Variants in LRRCC1 observed in about 807,000 individuals in gnomAD.
LRRCC1 encodes the protein leucine-rich repeat and coiled-coil domain-containing protein 1.
A neutral mutation model predicts 126.0 loss-of-function variants in LRRCC1; 115 were observed. The ratio of observed to expected loss-of-function variants is 0.91; its 90% CI spans 0.78 to 1.07. LRRCC1 has a LOEUF of 1.07. LRRCC1 is among the 50% of genes least tolerant of loss of function. The probability of loss-of-function intolerance (pLI) is 0.00; values close to 1 mark genes in which losing one functional copy is unlikely to be tolerated. For synonymous variants in LRRCC1, 400 were observed against 393.4 expected (o/e 1.02, Z -0.20); for missense variants, 1,172 against 1,175.7 (o/e 1.00, Z 0.05).
intron 17 of LRRCC1, among the ~76,000 whole-genome samples, chr8:85,138,906 C>T (rs968612166): frequency 2.0e-5 from 3 of 151,912 alleles, no homozygotes; most frequent in African/African-American, 4.8e-5. Flanking sequence ...ATTAGCCAGG[C>T]GTGGTGGCAA....
At position 85,134,936 on chromosome 8, in the gene LRRCC1, C is replaced by T. The variant is rs774515600; in HGVS notation, c.2058C>T (p.Ser686=). The change falls in exon 13 of 19, where the codon TCC becomes TCT. Residue 686 remains serine (S), a synonymous_variant. Coordinates refer to ENST00000360375, the MANE Select transcript of LRRCC1 (RefSeq NM_033402.5). The stretch of plus-strand genomic sequence containing the variant: ...CTCAACGAAAAGAAAATGAGTCTTC[C>T]TCTTTAATTAAAGATCTGACCTGTA... ...IWAQRKENES[S]SLIKDLTCMV... 3 of 1,595,832 alleles carry T rather than the reference C, an allele frequency of 1.9e-6. No individual in the cohort carries two copies. Among genetic ancestry groups the T allele is most frequent in the Middle Eastern group, 1.7e-4 (1 of 6,012 alleles).
At position 85,145,661 on chromosome 8, in the gene LRRCC1, ATT is replaced by A. The variant is rs1239723242; in HGVS notation, c.*152_*153del. On this transcript the variant is annotated 3_prime_UTR_variant, in exon 19 of 19. Transcript: ENST00000360375. Reference sequence around the variant, plus strand: ...TATTTTTAAAGACTTTTGATCAAGTATTTATTAATTGTATAGGTTTTTTATAA... The same window carrying A: ...TATTTTTAAAGACTTTTGATCAAGTATATTAATTGTATAGGTTTTTTATAA... The A allele has an allele frequency of 0.019, 1,257 of 66,638 alleles. 15 individuals carry two copies. Among genetic ancestry groups the A allele is most frequent in the Non-Finnish European group, 1.3e-3 (47 of 35,876 alleles). 4.1% of individuals were successfully genotyped at this position (66,638 alleles called of 1,614,324 possible).
rs1187679343 is a variant in LRRCC1 at position 85,109,706 on chromosome 8, G to A, written c.216G>A (p.Leu72=). ...TTTGGAATTTACAACATCTAGATCTGTCATCTAATCAAATAAGTAGAATTG... is the reference window on the plus strand; with the variant it reads ...TTTGGAATTTACAACATCTAGATCTATCATCTAATCAAATAAGTAGAATTG... ...DHIWNLQHLD[L]SSNQISRIEG... Residue 72 remains leucine, a synonymous_variant, in exon 2 of 19, where the codon CTG becomes CTA. Coordinates refer to ENST00000360375, the MANE Select transcript of LRRCC1 (RefSeq NM_033402.5). The A allele has an allele frequency of 6.2e-7, 1 of 1,601,344 alleles. No individual in the cohort carries two copies.
Position 85,131,781 on chromosome 8 carries a change from GT to G in LRRCC1, c.1794del (p.Phe598LeufsTer10). 1.2e-6 allele frequency: 2 copies of G among 1,613,184 alleles called. No homozygotes were observed. Among genetic ancestry groups the G allele is most frequent in the Non-Finnish European group, 1.7e-6 (2 of 1,179,670 alleles). On this transcript the variant is annotated frameshift_variant, in exon 12 of 19. Transcript: ENST00000360375. LOFTEE classifies it high-confidence loss of function. ...EHRKELETRE[F>X]FTDADFQDAL... is the part of the protein sequence containing the mutation. ...CCAGGAAGGAACTTGAAACAAGGGA[GT>G]TTTTTACTGATGCTGACTTCCAGGA... is the stretch of plus-strand genomic sequence containing the variant.
chr8:85,129,750 T>C (rs1253457735), intron 10 of LRRCC1, among the ~76,000 whole-genome samples, 169 bp from the exon 11 acceptor site: 1 of 152,238 alleles, frequency 6.6e-6, no homozygotes, highest in Non-Finnish European at 1.5e-5. Flanking sequence ...AGTGTATTTG[T>C]TCCTTCCAAG....
chr8:85,107,243 C>G lies in LRRCC1; in HGVS notation c.-53C>G. On this transcript the variant is annotated 5_prime_UTR_variant, in exon 1 of 19. Coordinates refer to ENST00000360375, the MANE Select transcript of LRRCC1 (RefSeq NM_033402.5). Reference sequence around the variant, plus strand: ...GCTTCCGGGAGGCTTGTCCCAAGCTCACGGACCCCTCGCTGGGTGCCGGTT... The same window carrying G: ...GCTTCCGGGAGGCTTGTCCCAAGCTGACGGACCCCTCGCTGGGTGCCGGTT... 1 of 1,545,810 alleles carries G rather than the reference C, an allele frequency of 6.5e-7. No individual in the cohort carries two copies. The highest frequency in any genetic ancestry group is 8.8e-7 in the Non-Finnish European group (1 of 1,142,060).
chr8:85,115,208 A>G lies in LRRCC1; in HGVS notation c.653A>G (p.Gln218Arg), dbSNP rs1809016220. The change falls in exon 5 of 19, where the codon CAG (glutamine) becomes CGG (arginine). Residue 218 changes from glutamine to arginine, a missense_variant. Transcript: ENST00000360375. ...ACAGAAATAAATTCATCACAGCTGC[A>G]GTGCCTAGAAGGTCTTTTGGATAAT... ...NLTEINSSQLQCLEGLLDNLV... is the reference protein window; with the variant it reads ...NLTEINSSQLRCLEGLLDNLV... 2 of 1,612,558 alleles carry G rather than the reference A, an allele frequency of 1.2e-6. No individual in the cohort carries two copies. The highest frequency in any genetic ancestry group is 1.7e-5 in the Admixed American group (1 of 59,882).
intron 7 of LRRCC1, 88 bp downstream of exon 7, chr8:85,123,694 TA>T (rs1809748363): frequency 1.0e-6 from 1 of 992,664 alleles, no homozygotes; most frequent in African/African-American, 1.7e-5. Flanking sequence ...TGATATTTGT[TA>T]CTTTACTAAT....
rs992228939 is a variant in LRRCC1 at position 85,109,805 on chromosome 8, G to A, written c.310+5G>A. Reference sequence around the variant, plus strand: ...ATTTGATTACAAAAGTAGAAGGTTTGTAAGTGATTTTCATTTAACACTTAG... The same window carrying A: ...ATTTGATTACAAAAGTAGAAGGTTTATAAGTGATTTTCATTTAACACTTAG... On this transcript the variant is annotated splice_donor_5th_base_variant and intron_variant, in intron 2 of 18. Coordinates refer to ENST00000360375, the MANE Select transcript of LRRCC1 (RefSeq NM_033402.5). 1 of 1,496,626 alleles carries A rather than the reference G, an allele frequency of 6.7e-7. No individual in the cohort carries two copies. Among genetic ancestry groups the A allele is most frequent in the Non-Finnish European group, 9.1e-7 (1 of 1,093,248 alleles). 92.7% of individuals were successfully genotyped at this position (1,496,626 alleles called of 1,614,324 possible). A position where few individuals can be genotyped will look rare whatever the true frequency, so the allele number is the denominator to read the frequency against.
chr8:85,145,616 T>G lies in LRRCC1; in HGVS notation c.*105T>G. On this transcript the variant is annotated 3_prime_UTR_variant, in exon 19 of 19. Transcript: ENST00000360375. ...GCTATGACTTTGAAATGTCTCTTTCTATACATTTCATTATGAATATATTTT... is the reference window on the plus strand; with the variant it reads ...GCTATGACTTTGAAATGTCTCTTTCGATACATTTCATTATGAATATATTTT... The G allele has an allele frequency of 2.3e-6, 2 of 859,124 alleles. No individual in the cohort carries two copies. The highest frequency in any genetic ancestry group is 3.4e-6 in the Non-Finnish European group (2 of 581,224). The allele number at this position is 859,124 out of a possible 1,614,324, so 53.2% of individuals were successfully genotyped here. A position where few individuals can be genotyped will look rare whatever the true frequency, so the allele number is the denominator to read the frequency against.
At chr8:85,121,785 CT>C (rs1809580307) in intron 6 of LRRCC1, among the ~76,000 whole-genome samples, 1 of 151,988 alleles carries the variant, frequency 6.6e-6, no homozygotes, top group Non-Finnish European at 1.5e-5. Flanking sequence ...TCTGGATGCT[CT>C]AAAAAAAGAC....
At chr8:85,135,765 A>ATT (rs36102162) in intron 13 of LRRCC1, 24 bp from the exon 14 acceptor site, 15 of 1,121,598 alleles carry the variant, frequency 1.3e-5, no homozygotes, top group South Asian at 1.1e-4. Context: ...AATAATTCTT[A>ATT]TTTTTTTTTT....
At chr8:85,132,128 T>G (rs537255927) in intron 12 of LRRCC1, among the ~76,000 whole-genome samples, 167 bp downstream of exon 12, 38 of 152,322 alleles carry the variant, frequency 2.5e-4, no homozygotes, top group African/African-American at 8.4e-4. Flanking sequence ...TAATAGCTAC[T>G]ATTTACTGCT....
In LRRCC1 at chr8:85,112,947, A is replaced by C. The variant is rs1426793691; in HGVS notation, c.392A>C (p.His131Pro). ...IDDLSGLIPL[H>P]GIKHKLRYID... ...CCTATTGCAGGATTGATTCCCCTTC[A>C]TGGAATTAAGCATAAACTTAGATAT... The change falls in exon 4 of 19, where the codon CAT (histidine) becomes CCT (proline). Residue 131 changes from histidine to proline, a missense_variant. Transcript: ENST00000360375. 1.9e-6 allele frequency: 3 copies of C among 1,570,766 alleles called. No individual in the cohort carries two copies. The highest frequency in any genetic ancestry group is 1.7e-4 in the Middle Eastern group (1 of 5,904).
intron 11 of LRRCC1, 44 bp downstream of exon 11, chr8:85,130,102 G>T: frequency 7.8e-6 from 9 of 1,159,366 alleles, no homozygotes; most frequent in Admixed American, 3.0e-5. Flanking sequence ...TTTAAAAAAA[G>T]AAAAAGAAAG....
intron 9 of LRRCC1, 150 bp from the exon 10 acceptor site, chr8:85,129,025 A>G: frequency 1.6e-6 from 1 of 617,208 alleles, no homozygotes; most frequent in Non-Finnish European, 2.9e-6. Context: ...ACCCATATAC[A>G]GTCTAGCACG....
At chr8:85,118,007 C>T (rs1809251703) in intron 6 of LRRCC1, among the ~76,000 whole-genome samples, 2 of 152,052 alleles carry the variant, frequency 1.3e-5, no homozygotes, top group African/African-American at 4.8e-5. Flanking sequence ...TTATCATGTT[C>T]CCTTATGGCC....
Position 85,123,578 on chromosome 8 carries a change from C to A in LRRCC1, c.1096C>A (p.His366Asn), listed in dbSNP as rs767054750. The A allele has an allele frequency of 1.6e-5, 26 of 1,581,652 alleles. No individual in the cohort carries two copies. Among genetic ancestry groups the A allele is most frequent in the Non-Finnish European group, 2.1e-5 (25 of 1,170,848 alleles). ...DAKTIQTIKH[H>N]NKNYNSFVSC... ...CAAAACCATTCAAACTATTAAGCAC[C>A]ACAATAAAAACTACAACTCTTTTGT... The change falls in exon 7 of 19, where the codon CAC becomes AAC. Residue 366 changes from histidine to asparagine, a missense_variant. By Grantham distance (68) the His-to-Asn change is moderately conservative. Coordinates refer to ENST00000360375, the MANE Select transcript of LRRCC1 (RefSeq NM_033402.5).
intron 2 of LRRCC1, 73 bp from the exon 3 acceptor site, chr8:85,110,034 ATAACATTG>A (rs777494996): frequency 2.8e-5 from 19 of 671,998 alleles, no homozygotes; most frequent in Non-Finnish European, 4.4e-5. Context: ...ACAGTCTGAA[ATAACATTG>A]TAATGCTATA....
Sources: allele counts gnomAD v4.1 joint callset (sites outside exome capture counted in the v4.1 genomes callset), GRCh38; gene constraint gnomAD v4.1.1; transcripts MANE v1.5; gene names NCBI Gene and HGNC (gene_info 2026-07-23, HGNC 2026-07-21).